Variants in PPP2R5C observed in about 807,000 individuals in gnomAD.
PPP2R5C encodes serine/threonine-protein phosphatase 2A 56 kDa regulatory subunit gamma isoform.
In PPP2R5C, 7 loss-of-function variants were observed where a neutral mutation model predicts 68.9. That is an observed-to-expected ratio of 0.10 (90% confidence interval 0.06 to 0.19). PPP2R5C has a LOEUF of 0.19. PPP2R5C is among the 10% of genes least tolerant of loss of function. PPP2R5C has a pLI of 1.00. For synonymous variants in PPP2R5C, 210 were observed against 222.2 expected (o/e 0.95, Z 0.49); for missense variants, 348 against 641.3 (o/e 0.54, Z 4.94).
chr14:101,772,652 C>T (rs1457505988), intron 2 of PPP2R5C, among the ~76,000 whole-genome samples: 2 of 151,702 alleles, frequency 1.3e-5, no homozygotes, highest in African/African-American at 2.4e-5. Flanking sequence ...TTTTAAAAGC[C>T]GAGTGTGGTG....
intron 2 of PPP2R5C, among the ~76,000 whole-genome samples, chr14:101,869,248 C>T (rs969909634): frequency 3.9e-5 from 6 of 152,220 alleles, no homozygotes; most frequent in African/African-American, 7.2e-5. Flanking sequence ...ATTGGACATT[C>T]GTCCATGTTG....
chr14:101,926,877 G>C (rs971964081), exon 14 of PPP2R5C: 11 of 152,086 alleles, frequency 7.2e-5, no homozygotes, highest in African/African-American at 2.7e-4. Context: ...CTTGTGGTAA[G>C]AGCAAGTGCA....
chr14:101,783,514 G>T (rs1039575813), intron 2 of PPP2R5C, among the ~76,000 whole-genome samples: 2 of 151,728 alleles, frequency 1.3e-5, no homozygotes, highest in Non-Finnish European at 2.9e-5. Flanking sequence ...CCTCTCTCTG[G>T]TCTTGGCCCT....
upstream of PPP2R5C, among the ~76,000 whole-genome samples, chr14:101,761,374 C>A (rs1046323005): frequency 6.6e-6 from 1 of 151,998 alleles, no homozygotes; most frequent in African/African-American, 2.4e-5. Context: ...CATGCTCCCT[C>A]CCCTGAGTCG....
chr14:101,918,173 A>ACTTC (rs1375241260), intron 13 of PPP2R5C, among the ~76,000 whole-genome samples: 4 of 152,046 alleles, frequency 2.6e-5, no homozygotes, highest in Non-Finnish European at 5.9e-5. Context: ...ATCTCCATTT[A>ACTTC]CTAACAGCAG....
At chr14:101,780,556 C>T (rs1175141905) in intron 2 of PPP2R5C, among the ~76,000 whole-genome samples, 4 of 152,198 alleles carry the variant, frequency 2.6e-5, no homozygotes, top group South Asian at 2.1e-4. Context: ...CTCGACTGCC[C>T]GGTGCTGCGG....
At chr14:101,920,368 C>T (rs964774002) in intron 13 of PPP2R5C, among the ~76,000 whole-genome samples, 11 of 152,328 alleles carry the variant, frequency 7.2e-5, no homozygotes, top group South Asian at 4.1e-4. Flanking sequence ...TGGCCATCCA[C>T]GTGTCTACTT....
chr14:101,859,301 T>C (rs1566913741), intron 2 of PPP2R5C, among the ~76,000 whole-genome samples: 1 of 152,158 alleles, frequency 6.6e-6, no homozygotes, highest in African/African-American at 2.4e-5. Context: ...CCAGATGAAA[T>C]AGATAGGGTT....
At chr14:101,845,442 C>T (rs1322070417) in intron 1 of PPP2R5C, among the ~76,000 whole-genome samples, 3 of 151,574 alleles carry the variant, frequency 2.0e-5, no homozygotes, top group East Asian at 1.9e-4. Flanking sequence ...TCTCTCCATC[C>T]GGGGCGCCTC....
chr14:101,912,887 A>C (rs1326148924), intron 12 of PPP2R5C, among the ~76,000 whole-genome samples: 1 of 152,110 alleles, frequency 6.6e-6, no homozygotes, highest in African/African-American at 2.4e-5. Context: ...TGACGTTTTG[A>C]TGTCCTCTTT....
chr14:101,815,199 C>T (rs1039084255), intron 1 of PPP2R5C, among the ~76,000 whole-genome samples: 5 of 152,116 alleles, frequency 3.3e-5, no homozygotes, highest in Non-Finnish European at 5.9e-5. Context: ...TGCCCAGGGC[C>T]ACAGAGAATG....
intron 1 of PPP2R5C, among the ~76,000 whole-genome samples, chr14:101,812,301 A>G (rs61994040): frequency 0.14 from 21,128 of 152,168 alleles, 1,617 homozygotes; most frequent in Admixed American, 0.19. Flanking sequence ...GAGAGGGCTA[A>G]AGCAAGAACA....
At chr14:101,889,719 G>C (rs1244386527) in intron 5 of PPP2R5C, 1 of 305,900 alleles carries the variant, frequency 3.3e-6, no homozygotes, top group Non-Finnish European at 6.3e-6. Flanking sequence ...GTGGGTGTCA[G>C]TGGGGAACTG....
At chr14:101,886,297 A>G (rs111805093) in intron 5 of PPP2R5C, among the ~76,000 whole-genome samples, 1 of 149,250 alleles carries the variant, frequency 6.7e-6, no homozygotes, top group Non-Finnish European at 1.5e-5. Context: ...AAAAAAAAAA[A>G]GTAGTAGAAA....
rs1030027938 is a variant in PPP2R5C at position 101,906,162 on chromosome 14, A to G, written c.1024-240A>G. On this transcript the variant is annotated intron_variant, in intron 9 of 13. Transcript: ENST00000334743. The surrounding 1 kb of genome is among the most constrained non-coding windows in gnomAD (Gnocchi z 4.0). The stretch of plus-strand genomic sequence containing the variant: ...AGCATCTAGCATAAATGTTTACGGA[A>G]TAAGTAGAGAAATAGGTGACAATGT... Among the ~76,000 whole-genome samples, 2 of 152,238 alleles carry G rather than the reference A, an allele frequency of 1.3e-5. No individual in the cohort carries two copies. The highest frequency in any genetic ancestry group is 4.8e-5 in the African/African-American group (2 of 41,460).
chr14:101,825,785 G>A lies in PPP2R5C; in HGVS notation c.94+15749G>A, dbSNP rs73356822. 0.098 allele frequency among the ~76,000 whole-genome samples: 14,951 copies of A among 152,278 alleles called. 803 individuals are homozygous for A. Among genetic ancestry groups the A allele is most frequent in the Admixed American group, 0.15 (2,243 of 15,294 alleles). On this transcript the variant is annotated intron_variant, in intron 1 of 13. Transcript: ENST00000334743. This position sits in a 1 kb window ranked among gnomAD's most constrained non-coding sequence, Gnocchi z 4.0. Reference sequence around the variant, plus strand: ...ACCAAAATGTTCAGTGTCATCTTCAGCAGAGGGGATTATCAGAAACTTCTG... The same window carrying A: ...ACCAAAATGTTCAGTGTCATCTTCAACAGAGGGGATTATCAGAAACTTCTG...
upstream of PPP2R5C, among the ~76,000 whole-genome samples, chr14:101,805,618 A>G (rs2039044701): frequency 6.6e-6 from 1 of 152,256 alleles, no homozygotes; most frequent in African/African-American, 2.4e-5. Flanking sequence ...GTTCATGGCA[A>G]CATTATTCAC....
chr14:101,769,115 T>C (rs1819157502), intron 2 of PPP2R5C, among the ~76,000 whole-genome samples: 2 of 152,258 alleles, frequency 1.3e-5, no homozygotes, highest in African/African-American at 4.8e-5. Context: ...TGAGCCACTG[T>C]GCCCAGCCCC....
chr14:101,821,551 T>G (rs1444938528), intron 1 of PPP2R5C, among the ~76,000 whole-genome samples: 1 of 152,018 alleles, frequency 6.6e-6, no homozygotes, highest in East Asian at 1.9e-4. Flanking sequence ...TTGTTTCATT[T>G]CTTTAAAAAA....
Sources: allele counts gnomAD v4.1 joint callset (sites outside exome capture counted in the v4.1 genomes callset), GRCh38; gene constraint gnomAD v4.1.1; non-coding constraint Gnocchi (gnomAD v3.1); transcripts MANE v1.5; gene names NCBI Gene and HGNC (gene_info 2026-07-23, HGNC 2026-07-21).